Variants in KIRREL3 observed in about 807,000 individuals in gnomAD.
The protein encoded by KIRREL3 is kin of IRRE-like protein 3.
A neutral mutation model predicts 89.7 loss-of-function variants in KIRREL3; 36 were observed. The observed-to-expected ratio is 0.40, with a 90% CI of 0.31 to 0.53. The LOEUF (loss-of-function observed/expected upper bound fraction) is 0.53. Among genes scored for constraint, KIRREL3 ranks in the 20% least tolerant of loss-of-function variants. The pLI is 0.49. For missense variants in KIRREL3, 864 were observed against 1,056.6 expected, an observed-to-expected ratio of 0.82 and a Z score of 2.53; for synonymous variants, 445 against 441.4, an observed-to-expected ratio of 1.01 and a Z score of -0.10.
At chr11:126,648,029 G>A (rs906532100) in intron 1 of KIRREL3, among the ~76,000 whole-genome samples, 19 of 152,156 alleles carry the variant, frequency 1.2e-4, no homozygotes, top group Admixed American at 5.9e-4. Context: ...GGAGGTGATT[G>A]GATCACAGGG....
At chr11:126,457,441 GTGTA>G (rs1648924833) in intron 6 of KIRREL3, among the ~76,000 whole-genome samples, 2 of 151,822 alleles carry the variant, frequency 1.3e-5, no homozygotes, top group South Asian at 2.1e-4. Context: ...GTGTGTGTAT[GTGTA>G]TGTGTGTGTA....
At chr11:126,828,247 C>T (rs569365303) in intron 1 of KIRREL3, among the ~76,000 whole-genome samples, 1 of 152,206 alleles carries the variant, frequency 6.6e-6, no homozygotes, top group South Asian at 2.1e-4. Flanking sequence ...CGCCCACCCC[C>T]TAGAGGGCAC....
intron 1 of KIRREL3, among the ~76,000 whole-genome samples, chr11:126,893,381 C>G (rs560874944): frequency 9.2e-5 from 14 of 152,344 alleles, no homozygotes; most frequent in Admixed American, 8.5e-4. Flanking sequence ...TTTTAAGCTT[C>G]TAATGATTGC....
At position 126,989,230 on chromosome 11, in the gene KIRREL3, CT is replaced by C. The variant is rs1170962110; in HGVS notation, c.55+11224del. 6.6e-6 allele frequency among the ~76,000 whole-genome samples: 1 copy of C among 152,146 alleles called. No homozygotes were observed. The highest frequency in any genetic ancestry group is 1.5e-5 in the Non-Finnish European group (1 of 68,028). The stretch of plus-strand genomic sequence containing the variant: ...AAAGTTTTCTTTTCTACAAGAGATG[CT>C]GAAGAAGTCACCTGGAATTTGCTAG... On this transcript the variant is annotated intron_variant, in intron 1 of 16. Transcript: ENST00000525144. This position sits in a 1 kb window ranked among gnomAD's most constrained non-coding sequence, Gnocchi z 6.2.
At chr11:126,784,550 C>G (rs981356671) in intron 1 of KIRREL3, among the ~76,000 whole-genome samples, 11 of 151,702 alleles carry the variant, frequency 7.3e-5, no homozygotes, top group African/African-American at 2.7e-4. Flanking sequence ...ACCTGTACAA[C>G]CTTGGTAGTC....
chr11:126,613,746 C>T (rs1365935869), intron 1 of KIRREL3, among the ~76,000 whole-genome samples: 3 of 151,910 alleles, frequency 2.0e-5, no homozygotes, highest in African/African-American at 7.3e-5. Flanking sequence ...ATTATTTTCT[C>T]GATGTGCATT....
At chr11:126,869,156 T>C (rs866566360) in intron 1 of KIRREL3, among the ~76,000 whole-genome samples, 1 of 28,358 alleles carries the variant, frequency 3.5e-5, no homozygotes, top group African/African-American at 1.4e-4. Flanking sequence ...CCTGAGGGCT[T>C]TTTTTTTTTT....
At chr11:126,831,382 CTCTCTT>C (rs2134487086) in intron 1 of KIRREL3, among the ~76,000 whole-genome samples, 1 of 151,152 alleles carries the variant, frequency 6.6e-6, no homozygotes, top group Admixed American at 6.6e-5. Flanking sequence ...CTCTCTCTGT[CTCTCTT>C]TCTCTCTCTT....
rs1299649009 is a variant in KIRREL3, at chr11:126,763,587, C to T, written c.56-200675G>A. 6.6e-6 allele frequency among the ~76,000 whole-genome samples: 1 copy of T among 152,216 alleles called. No individual in the cohort carries two copies. Among genetic ancestry groups the T allele is most frequent in the Admixed American group, 6.5e-5 (1 of 15,284 alleles). On this transcript the variant is annotated intron_variant, in intron 1 of 16. Coordinates refer to ENST00000525144, the MANE Select transcript of KIRREL3 (RefSeq NM_032531.4). The surrounding 1 kb of genome is among the most constrained non-coding windows in gnomAD (Gnocchi z 4.7). ...CAAGAAATGTGCCCAGGCTGAGGGA[C>T]CAAGGCCCAGCGAGAGTAGGTGGTA... is the stretch of plus-strand genomic sequence containing the variant.
At chr11:126,789,762 C>T (rs1231119972) in intron 1 of KIRREL3, among the ~76,000 whole-genome samples, 7 of 152,218 alleles carry the variant, frequency 4.6e-5, no homozygotes, top group African/African-American at 1.4e-4. Flanking sequence ...GGTTTTCTGC[C>T]CACACTTTTC....
chr11:126,709,805 T>C lies in KIRREL3; in HGVS notation c.56-146893A>G, dbSNP rs1591998362. On this transcript the variant is annotated intron_variant, in intron 1 of 16. Transcript: ENST00000525144. This position sits in a 1 kb window ranked among gnomAD's most constrained non-coding sequence, Gnocchi z 4.0. ...TAAGCCACAAGATCGTGGTATTTTG[T>C]TACAGCAGCCCAGGGAAACTAATAC... 6.6e-6 allele frequency among the ~76,000 whole-genome samples: 1 copy of C among 152,288 alleles called. No individual in the cohort carries two copies. Among genetic ancestry groups the C allele is most frequent in the South Asian group, 2.1e-4 (1 of 4,818 alleles).
chr11:126,567,498 T>G (rs1395740721), intron 1 of KIRREL3, among the ~76,000 whole-genome samples: 1 of 152,138 alleles, frequency 6.6e-6, no homozygotes, highest in African/African-American at 2.4e-5. Context: ...CCCTAGCAAA[T>G]GAATATAGAC....
At chr11:126,980,525 T>C (rs1189068808) in intron 1 of KIRREL3, among the ~76,000 whole-genome samples, 1 of 151,538 alleles carries the variant, frequency 6.6e-6, no homozygotes, top group Non-Finnish European at 1.5e-5. Flanking sequence ...TGGTGAAGGG[T>C]GACTGTGAGA....
rs1379286964 is a variant in KIRREL3, at chr11:126,752,768, A to T, written c.56-189856T>A. Among the ~76,000 whole-genome samples, 1 of 152,216 alleles carries T rather than the reference A, an allele frequency of 6.6e-6. No homozygotes were observed. Among genetic ancestry groups the T allele is most frequent in the Non-Finnish European group, 1.5e-5 (1 of 68,050 alleles). On this transcript the variant is annotated intron_variant, in intron 1 of 16. Coordinates refer to ENST00000525144, the MANE Select transcript of KIRREL3 (RefSeq NM_032531.4). This position sits in a 1 kb window ranked among gnomAD's most constrained non-coding sequence, Gnocchi z 4.8. ...ACTTTCCCAAAGTGAAGAGCATGGA[A>T]AAAAACAATTGGTTTTGCATGTTTC...
intron 1 of KIRREL3, among the ~76,000 whole-genome samples, chr11:126,602,383 G>A (rs989965954): frequency 2.0e-5 from 3 of 152,122 alleles, no homozygotes; most frequent in African/African-American, 7.2e-5. Flanking sequence ...TTCCACCTGG[G>A]CCCCAGAAGC....
At chr11:126,887,886 GA>G (rs1373584986) in intron 1 of KIRREL3, among the ~76,000 whole-genome samples, 2 of 152,308 alleles carry the variant, frequency 1.3e-5, no homozygotes, top group Middle Eastern at 3.4e-3. Flanking sequence ...GATGGAATGA[GA>G]CAGCACAGCA....
At chr11:126,959,822 G>C (rs1004975327) in intron 1 of KIRREL3, among the ~76,000 whole-genome samples, 2 of 152,100 alleles carry the variant, frequency 1.3e-5, no homozygotes, top group African/African-American at 4.8e-5. Context: ...CCAGGATGTG[G>C]ACTGTGCCTC....
At position 126,764,662 on chromosome 11, in the gene KIRREL3, C is replaced by T. The variant is rs979374540; in HGVS notation, c.56-201750G>A. Among the ~76,000 whole-genome samples, 3 of 152,204 alleles carry T rather than the reference C, an allele frequency of 2.0e-5. No homozygotes were observed. Among genetic ancestry groups the T allele is most frequent in the Non-Finnish European group, 2.9e-5 (2 of 68,036 alleles). ...TTAATCTTTGGTTAGCACATGCACA[C>T]GTGGGCACGTGCAAACTCTCTCAGT... On this transcript the variant is annotated intron_variant, in intron 1 of 16. Transcript: ENST00000525144. This position sits in a 1 kb window ranked among gnomAD's most constrained non-coding sequence, Gnocchi z 4.2.
rs2134705415 is a variant in KIRREL3, at chr11:126,879,571, C to A, written c.55+120884G>T. Reference sequence around the variant, plus strand: ...TTTGGTCTCACAGTGAGTTTCTTACCTTCATTTTCAAGTCCAGGCTATAAT... The same window carrying A: ...TTTGGTCTCACAGTGAGTTTCTTACATTCATTTTCAAGTCCAGGCTATAAT... On this transcript the variant is annotated intron_variant, in intron 1 of 16. Coordinates refer to ENST00000525144, the MANE Select transcript of KIRREL3 (RefSeq NM_032531.4). The surrounding 1 kb of genome is among the most constrained non-coding windows in gnomAD (Gnocchi z 5.4). Among the ~76,000 whole-genome samples the A allele has an allele frequency of 6.6e-6, 1 of 152,270 alleles. No homozygotes were observed. The highest frequency in any genetic ancestry group is 1.5e-5 in the Non-Finnish European group (1 of 68,016).
Sources: allele counts gnomAD v4.1 joint callset (sites outside exome capture counted in the v4.1 genomes callset), GRCh38; gene constraint gnomAD v4.1.1; non-coding constraint Gnocchi (gnomAD v3.1); transcripts MANE v1.5; gene names NCBI Gene and HGNC (gene_info 2026-07-23, HGNC 2026-07-21).